The following LYST variants were observed in gnomAD, a reference collection of about 807,000 sequenced individuals.
LYST encodes the protein lysosomal-trafficking regulator.
Under a neutral mutation model 413.6 loss-of-function variants are expected in LYST, and 192 were observed. That is an observed-to-expected ratio of 0.46 (90% CI 0.41 to 0.52). The LOEUF (loss-of-function observed/expected upper bound fraction) is 0.52, where lower values mean the gene tolerates loss of function less well. LYST is among the 20% of genes least tolerant of loss of function. The pLI is 0.00. For missense variants in LYST, 3,815 were observed against 4,499.9 expected (o/e 0.85, Z 4.35); for synonymous variants, 1,525 against 1,567.3 (o/e 0.97, Z 0.64).
At chr1:235,731,895 AT>A (rs1174352607) in intron 34 of LYST, among the ~76,000 whole-genome samples, 1 of 152,112 alleles carries the variant, frequency 6.6e-6, no homozygotes, top group Non-Finnish European at 1.5e-5. Context: ...AATAAAATCA[AT>A]TTCTTTCTGT....
intron 5 of LYST, among the ~76,000 whole-genome samples, chr1:235,807,138 G>C (rs1353826787): frequency 6.6e-6 from 1 of 152,200 alleles, no homozygotes; most frequent in African/African-American, 2.4e-5. Context: ...GACACCCTGA[G>C]GGCAGGCAAG....
At chr1:235,780,029 A>C (rs1293417661) in intron 16 of LYST, among the ~76,000 whole-genome samples, 1 of 152,208 alleles carries the variant, frequency 6.6e-6, no homozygotes, top group Non-Finnish European at 1.5e-5. Context: ...TATTGGAATA[A>C]TATATAAAAA....
chr1:235,683,444 T>G (rs1391433175), intron 48 of LYST, among the ~76,000 whole-genome samples: 1 of 152,256 alleles, frequency 6.6e-6, no homozygotes, highest in Non-Finnish European at 1.5e-5. Flanking sequence ...AGTTATCACA[T>G]TTAGAAGATA....
chr1:235,697,029 C>A (rs926848225), intron 46 of LYST, 54 bp downstream of exon 46: 5 of 1,549,960 alleles, frequency 3.2e-6, no homozygotes, highest in Non-Finnish European at 4.4e-6. Flanking sequence ...GCTAGAAATA[C>A]TCAAATCTCA....
Position 235,809,014 on chromosome 1 carries a change from G to C in LYST, c.1804C>G (p.Pro602Ala). The change falls in exon 5 of 53, where the codon CCA becomes GCA. Residue 602 changes from proline (P) to alanine (A), a missense_variant. Pro to Ala is a conservative substitution (Grantham distance 27). Transcript: ENST00000389793. This position sits in a 1 kb window ranked among gnomAD's most constrained non-coding sequence, Gnocchi z 4.0. ...IIPLLHAFKL[P>A]ALKNFQQHIL... ...TGCTGCTGAAAATTTTTCAGTGCTG[G>C]CAATTTAAAAGCATGGAGCAAAGGA... 6.2e-7 allele frequency: 1 copy of C among 1,613,868 alleles called. No individual in the cohort carries two copies. The highest frequency in any genetic ancestry group is 8.5e-7 in the Non-Finnish European group (1 of 1,179,824).
At chr1:235,845,938 G>T (rs900076119) in intron 1 of LYST, among the ~76,000 whole-genome samples, 19 of 150,084 alleles carry the variant, frequency 1.3e-4, no homozygotes, top group African/African-American at 4.7e-4. Context: ...ATTTAATCTT[G>T]GGAGTTCTAG....
rs115604887 is a variant in LYST, at chr1:235,671,918, T to C, written c.11038+5173A>G. 6.7e-3 allele frequency among the ~76,000 whole-genome samples: 1,015 copies of C among 152,336 alleles called. 16 individuals are homozygous for C. The highest frequency in any genetic ancestry group is 0.024 in the African/African-American group (985 of 41,578). ...AAAGCAAAGACCAGTTAGGTTATTA[T>C]AGTGTTCTAGGTAACAGTTTTGGAC... On this transcript the variant is annotated intron_variant, in intron 50 of 52. Transcript: ENST00000389793.
chr1:235,702,574 C>T (rs774531883), intron 45 of LYST, among the ~76,000 whole-genome samples, 173 bp downstream of exon 45: 8 of 152,230 alleles, frequency 5.3e-5, no homozygotes, highest in Non-Finnish European at 1.0e-4. Flanking sequence ...TCTCATATCG[C>T]TAACACAGCA....
At position 235,810,038 on chromosome 1, in the gene LYST, A is replaced by G; in HGVS notation, c.780T>C (p.Val260=). 6.2e-7 allele frequency: 1 copy of G among 1,614,058 alleles called. No homozygotes were observed. Among genetic ancestry groups the G allele is most frequent in the Non-Finnish European group, 8.5e-7 (1 of 1,179,960 alleles). ...AAACTTTTTCTAATAAAGATAACAA[A>G]ACATGACATAAGTCAAATGGAGAAT... ...MNNSPFDLCH[V]LLSLLEKVCK... The change falls in exon 5 of 53, where the codon GTT becomes GTC. Residue 260 remains valine, a synonymous_variant. Coordinates refer to ENST00000389793, the MANE Select transcript of LYST (RefSeq NM_000081.4).
intron 1 of LYST, among the ~76,000 whole-genome samples, chr1:235,849,317 T>A (rs1181393452): frequency 1.3e-5 from 2 of 152,018 alleles, no homozygotes; most frequent in African/African-American, 4.8e-5. Context: ...AAATCCAGCA[T>A]CCTTTATGAT....
At chr1:235,850,552 T>C (rs1249665890) in intron 1 of LYST, among the ~76,000 whole-genome samples, 1 of 152,040 alleles carries the variant, frequency 6.6e-6, no homozygotes, top group Non-Finnish European at 1.5e-5. Context: ...TAAAGAGCTT[T>C]TGCATGGCAA....
At chr1:235,673,415 G>A (rs74148738) in intron 50 of LYST, among the ~76,000 whole-genome samples, 12,058 of 151,968 alleles carry the variant, frequency 0.079, 1,545 homozygotes, top group African/African-American at 0.27. Context: ...CCCTTATCCC[G>A]CCTATGGTGG....
chr1:235,743,371 A>G (rs1422673493), intron 30 of LYST, among the ~76,000 whole-genome samples: 12 of 152,190 alleles, frequency 7.9e-5, no homozygotes, highest in Non-Finnish European at 4.4e-5. Flanking sequence ...GTTCAGAGCT[A>G]AAACACCAAA....
intron 10 of LYST, among the ~76,000 whole-genome samples, chr1:235,797,922 A>G (rs924114576): frequency 1.3e-5 from 2 of 152,208 alleles, no homozygotes; most frequent in Non-Finnish European, 2.9e-5. Context: ...TTAAACCTCA[A>G]CAACAAAAAA....
At chr1:235,804,866 C>G (rs1358973734) in intron 6 of LYST, among the ~76,000 whole-genome samples, 1 of 152,076 alleles carries the variant, frequency 6.6e-6, no homozygotes, top group Non-Finnish European at 1.5e-5. Flanking sequence ...TGATAAAATA[C>G]TTAGTTCATC....
In LYST at chr1:235,802,934, G is replaced by C; in HGVS notation, c.3686C>G (p.Pro1229Arg). 1 of 1,613,516 alleles carries C rather than the reference G, an allele frequency of 6.2e-7. No homozygotes were observed. Among genetic ancestry groups the C allele is most frequent in the Non-Finnish European group, 8.5e-7 (1 of 1,179,838 alleles). Residue 1229 changes from proline (P) to arginine (R), a missense_variant, in exon 8 of 53, where the codon CCT (proline) becomes CGT (arginine). This residue lies in a region of LYST where 1,648 missense variants were observed against 1,810.3 expected (regional missense o/e 0.91). Coordinates refer to ENST00000389793, the MANE Select transcript of LYST (RefSeq NM_000081.4). The part of the protein sequence containing the change: ...EGYEADSESN[P>R]EDGETQDDGV... ...ATCATCCTGGGTTTCGCCATCTTCAGGATTGCTTTCACTATCTGCTTCGTA... is the reference window on the plus strand; with the variant it reads ...ATCATCCTGGGTTTCGCCATCTTCACGATTGCTTTCACTATCTGCTTCGTA...
intron 4 of LYST, among the ~76,000 whole-genome samples, chr1:235,812,028 T>C (rs1324373990): frequency 1.3e-5 from 2 of 151,904 alleles, no homozygotes; most frequent in Non-Finnish European, 2.9e-5. Flanking sequence ...ACCTGAGAGA[T>C]CTTCAAACAT....
chr1:235,760,658 C>G (rs1238581798), intron 22 of LYST, among the ~76,000 whole-genome samples: 1 of 152,046 alleles, frequency 6.6e-6, no homozygotes, highest in Non-Finnish European at 1.5e-5. Flanking sequence ...AGAGAGGGGC[C>G]CAGGAATCAG....
Position 235,686,243 on chromosome 1 carries a change from T to C in LYST, c.10800+706A>G, listed in dbSNP as rs776532125. On this transcript the variant is annotated intron_variant, in intron 48 of 52. Coordinates refer to ENST00000389793, the MANE Select transcript of LYST (RefSeq NM_000081.4). The surrounding 1 kb of genome is among the most constrained non-coding windows in gnomAD (Gnocchi z 4.0). ...TTGGCCGGGCGTGGTGGCACATGCC[T>C]GTGGTCCCAGCTACTCGAGAGGCTG... is the stretch of plus-strand genomic sequence containing the variant. Among the ~76,000 whole-genome samples the C allele has an allele frequency of 1.3e-5, 2 of 152,202 alleles. No individual in the cohort carries two copies. Among genetic ancestry groups the C allele is most frequent in the Non-Finnish European group, 2.9e-5 (2 of 68,032 alleles).
Sources: allele counts gnomAD v4.1 joint callset (sites outside exome capture counted in the v4.1 genomes callset), GRCh38; gene constraint gnomAD v4.1.1; regional missense constraint gnomAD v4.1.1; non-coding constraint Gnocchi (gnomAD v3.1); transcripts MANE v1.5; gene names NCBI Gene and HGNC (gene_info 2026-07-23, HGNC 2026-07-21).